PLCL2: variants seen among roughly 807,000 people sequenced by gnomAD.
The protein encoded by PLCL2 is phospholipase C like 2.
PLCL2 carries 4 observed loss-of-function variants against 79.6 expected under a neutral mutation model. The observed-to-expected ratio is 0.05, with a 90% CI of 0.02 to 0.11. The LOEUF is 0.11. Ranked by LOEUF, PLCL2 falls within the 10% of genes least tolerant of loss-of-function variation. The pLI is 1.00. For missense variants in PLCL2, 895 were observed against 1,291.0 expected (o/e 0.69, Z 4.70); for synonymous variants, 484 against 457.7 (o/e 1.06, Z -0.73).
At chr3:16,920,486 T>C (rs918370091) in intron 1 of PLCL2, among the ~76,000 whole-genome samples, 9 of 152,160 alleles carry the variant, frequency 5.9e-5, no homozygotes, top group African/African-American at 1.7e-4. Context: ...TTCTCACTTA[T>C]TGAGAATCTG....
chr3:16,963,128 C>T (rs2063771827), intron 1 of PLCL2, among the ~76,000 whole-genome samples: 1 of 151,926 alleles, frequency 6.6e-6, no homozygotes, highest in Non-Finnish European at 1.5e-5. Context: ...TTCATTATCA[C>T]AAATTTTAAA....
intron 1 of PLCL2, among the ~76,000 whole-genome samples, chr3:16,938,064 C>T (rs541847001): frequency 1.3e-5 from 2 of 152,238 alleles, no homozygotes; most frequent in South Asian, 4.1e-4. Context: ...ATAATGCAAT[C>T]GTGTTAAATC....
intron 1 of PLCL2, among the ~76,000 whole-genome samples, chr3:16,912,857 C>G (rs1168151071): frequency 1.3e-5 from 2 of 152,132 alleles, no homozygotes; most frequent in African/African-American, 4.8e-5. Context: ...GGAAGATGGC[C>G]TCCTCCCACC....
At chr3:16,939,554 A>G (rs1697626151) in intron 1 of PLCL2, among the ~76,000 whole-genome samples, 2 of 152,276 alleles carry the variant, frequency 1.3e-5, no homozygotes, top group South Asian at 4.1e-4. Flanking sequence ...CCACAAACAC[A>G]TAAATAAATG....
intron 1 of PLCL2, among the ~76,000 whole-genome samples, chr3:17,002,624 C>T (rs2064222239): frequency 6.6e-6 from 1 of 152,070 alleles, no homozygotes; most frequent in African/African-American, 2.4e-5. Context: ...GCTTGAGCTT[C>T]TTATTCTTGA....
chr3:17,017,019 G>A (rs1367670479), intron 3 of PLCL2, among the ~76,000 whole-genome samples: 1 of 152,160 alleles, frequency 6.6e-6, no homozygotes, highest in Non-Finnish European at 1.5e-5. Context: ...TATCAAGAGT[G>A]TGTGATCATA....
chr3:17,020,828 A>C (rs952824054), intron 3 of PLCL2, among the ~76,000 whole-genome samples: 1 of 152,208 alleles, frequency 6.6e-6, no homozygotes, highest in African/African-American at 2.4e-5. Context: ...CCTTACACAG[A>C]AATGTTGGCA....
At chr3:17,008,113 A>G (rs2064281711) in intron 1 of PLCL2, among the ~76,000 whole-genome samples, 1 of 152,170 alleles carries the variant, frequency 6.6e-6, no homozygotes, top group Admixed American at 6.5e-5. Flanking sequence ...TTCTTTAGAA[A>G]TAAGTGCTGC....
intron 4 of PLCL2, among the ~76,000 whole-genome samples, chr3:17,063,213 T>C: frequency 1.4e-5 from 1 of 72,292 alleles, no homozygotes; most frequent in Non-Finnish European, 3.1e-5. Flanking sequence ...CTTGTGTCTC[T>C]TTCTCTTCCT....
At chr3:16,915,429 T>C (rs933850841) in intron 1 of PLCL2, among the ~76,000 whole-genome samples, 3 of 152,318 alleles carry the variant, frequency 2.0e-5, no homozygotes, top group Admixed American at 2.0e-4. Flanking sequence ...ATATTTACTG[T>C]TAGAATCTTT....
intron 3 of PLCL2, among the ~76,000 whole-genome samples, chr3:17,032,167 T>C (rs900179489): frequency 6.6e-5 from 10 of 152,166 alleles, no homozygotes; most frequent in African/African-American, 2.2e-4. Context: ...CGTATATTCA[T>C]TGACTTCATA....
At chr3:16,914,814 C>T (rs1271653274) in intron 1 of PLCL2, among the ~76,000 whole-genome samples, 1 of 152,106 alleles carries the variant, frequency 6.6e-6, no homozygotes, top group African/African-American at 2.4e-5. Context: ...ATAGCAGCCT[C>T]AGCCTCCTAG....
At chr3:16,890,862 A>C (rs1182328622) in intron 1 of PLCL2, among the ~76,000 whole-genome samples, 3 of 152,204 alleles carry the variant, frequency 2.0e-5, no homozygotes, top group Non-Finnish European at 2.9e-5. Flanking sequence ...TATCAGAGTA[A>C]TTCCATAGCT....
intron 1 of PLCL2, among the ~76,000 whole-genome samples, chr3:16,983,225 TC>T (rs11332291): frequency 0.19 from 29,205 of 151,710 alleles, 3,043 homozygotes; most frequent in Admixed American, 0.24. Flanking sequence ...GATTCAGCAG[TC>T]CCTAACTAAT....
intron 1 of PLCL2, among the ~76,000 whole-genome samples, chr3:16,972,888 A>C (rs1232750387): frequency 1.3e-5 from 2 of 151,982 alleles, no homozygotes; most frequent in African/African-American, 2.4e-5. Context: ...TTGCATATAA[A>C]ATGGGTCTCT....
intron 5 of PLCL2, among the ~76,000 whole-genome samples, chr3:17,086,506 T>C (rs2065221688): frequency 6.6e-6 from 1 of 152,234 alleles, no homozygotes. Context: ...GGATAAAATC[T>C]AGGCGACCTT....
At position 16,887,477 on chromosome 3, in the gene PLCL2, T is replaced by A. The variant is rs556909097; in HGVS notation, c.327+2111T>A. Reference sequence around the variant, plus strand: ...GAAGGCTTGACATACTCCTTTTTCTTGCCTCTGTTTTCACTTTGCATTTTC... The same window carrying A: ...GAAGGCTTGACATACTCCTTTTTCTAGCCTCTGTTTTCACTTTGCATTTTC... On this transcript the variant is annotated intron_variant, in intron 1 of 5. Coordinates refer to ENST00000615277, the MANE Select transcript of PLCL2 (RefSeq NM_001144382.2). The surrounding 1 kb of genome is among the most constrained non-coding windows in gnomAD (Gnocchi z 4.1). Among the ~76,000 whole-genome samples the A allele has an allele frequency of 6.6e-6, 1 of 152,342 alleles. No homozygotes were observed. The highest frequency in any genetic ancestry group is 2.1e-4 in the South Asian group (1 of 4,826).
intron 1 of PLCL2, among the ~76,000 whole-genome samples, chr3:16,930,227 C>T (rs1048946979): frequency 1.3e-5 from 2 of 152,088 alleles, no homozygotes; most frequent in Non-Finnish European, 2.9e-5. Flanking sequence ...AGAAAGCAAC[C>T]TCATGGGTTC....
intron 1 of PLCL2, among the ~76,000 whole-genome samples, chr3:17,004,646 T>C (rs2064243103): frequency 6.6e-6 from 1 of 152,192 alleles, no homozygotes; most frequent in Non-Finnish European, 1.5e-5. Context: ...TAAAGATGTG[T>C]GAAAAACTTT....
Sources: gnomAD v4.1 joint callset for allele counts (sites outside exome capture counted in the v4.1 genomes callset) on GRCh38, gnomAD v4.1.1 for gene constraint, Gnocchi (gnomAD v3.1) non-coding constraint, MANE v1.5 for transcripts, NCBI Gene and HGNC (gene_info 2026-07-23, HGNC 2026-07-21) for gene names.